Variants in ATP6V0E1 observed in about 807,000 individuals in gnomAD.
ATP6V0E1 encodes the protein V-type proton ATPase subunit e 1.
ATP6V0E1 carries 4 observed loss-of-function variants against 11.6 expected under a neutral mutation model. That is an observed-to-expected ratio of 0.35 (90% CI 0.17 to 0.79). ATP6V0E1 has a LOEUF of 0.79. ATP6V0E1 is among the 30% of genes least tolerant of loss of function. The probability of loss-of-function intolerance (pLI) is 0.54; values close to 1 mark genes in which losing one functional copy is unlikely to be tolerated. For missense variants in ATP6V0E1, 105 were observed against 100.0 expected (o/e 1.05, Z -0.21); for synonymous variants, 36 against 34.8 (o/e 1.04, Z -0.13).
At chr5:173,003,026 T>C (rs1433423249) in intron 2 of ATP6V0E1, among the ~76,000 whole-genome samples, 2 of 152,138 alleles carry the variant, frequency 1.3e-5, no homozygotes, top group Non-Finnish European at 2.9e-5. Flanking sequence ...GTCCCTTTTT[T>C]CTTTCTTTTT....
chr5:173,002,812 AC>A (rs1263025782), intron 2 of ATP6V0E1, among the ~76,000 whole-genome samples: 1 of 150,266 alleles, frequency 6.7e-6, no homozygotes, highest in Non-Finnish European at 1.5e-5. Flanking sequence ...ACATGGTGAA[AC>A]CCTGTGTCTG....
At chr5:172,989,652 G>A (rs475785) in intron 1 of ATP6V0E1, among the ~76,000 whole-genome samples, 3 of 151,536 alleles carry the variant, frequency 2.0e-5, no homozygotes, top group African/African-American at 7.3e-5. Context: ...TCAGCCTTCC[G>A]AGTAGCTGGG....
intron 2 of ATP6V0E1, among the ~76,000 whole-genome samples, chr5:173,012,699 A>G (rs1057124056): frequency 5.9e-5 from 9 of 151,610 alleles, no homozygotes; most frequent in Admixed American, 1.3e-4. Flanking sequence ...GGTTGCCATG[A>G]GCTGAGATCG....
At chr5:173,006,644 C>T (rs1756234561) in intron 2 of ATP6V0E1, among the ~76,000 whole-genome samples, 1 of 152,026 alleles carries the variant, frequency 6.6e-6, no homozygotes, top group African/African-American at 2.4e-5. Context: ...AAACACTCTA[C>T]TCTGGATGGG....
intron 2 of ATP6V0E1, among the ~76,000 whole-genome samples, chr5:173,019,298 G>A (rs1756446040): frequency 2.0e-5 from 3 of 152,034 alleles, no homozygotes; most frequent in Admixed American, 2.0e-4. Flanking sequence ...GCTCACGTCT[G>A]TAATCCCAGC....
intron 2 of ATP6V0E1, among the ~76,000 whole-genome samples, chr5:172,998,190 C>CTTTT (rs999790390): frequency 4.1e-4 from 43 of 104,852 alleles, no homozygotes; most frequent in African/African-American, 5.7e-4. Flanking sequence ...AAAATTTAGT[C>CTTTT]TTTTTTTTTT....
chr5:173,012,038 A>ATT (rs34022628), intron 2 of ATP6V0E1, among the ~76,000 whole-genome samples: 19,304 of 138,684 alleles, frequency 0.14, 1,787 homozygotes, highest in African/African-American at 0.26. Context: ...TCCTAGGTAA[A>ATT]TTTTTTTTTT....
chr5:173,028,848 A>G (rs1485748748), intron 3 of ATP6V0E1, among the ~76,000 whole-genome samples: 2 of 152,164 alleles, frequency 1.3e-5, no homozygotes, highest in African/African-American at 4.8e-5. Context: ...TCTAATGTCA[A>G]GGTTGCTGTT....
chr5:173,013,531 C>A (rs537950499), intron 2 of ATP6V0E1, among the ~76,000 whole-genome samples: 1 of 145,918 alleles, frequency 6.9e-6, no homozygotes, highest in South Asian at 2.2e-4. Flanking sequence ...GCTGAGATTG[C>A]GCCACTGCAC....
chr5:172,995,240 G>T (rs1377579251), intron 2 of ATP6V0E1, among the ~76,000 whole-genome samples: 1 of 152,156 alleles, frequency 6.6e-6, no homozygotes, highest in African/African-American at 2.4e-5. Flanking sequence ...AATGGCTGGG[G>T]TTACAGGCAC....
At chr5:173,021,865 C>G (rs1271408401) in intron 3 of ATP6V0E1, among the ~76,000 whole-genome samples, 1 of 151,978 alleles carries the variant, frequency 6.6e-6, no homozygotes, top group Non-Finnish European at 1.5e-5. Context: ...TGAAACCCAT[C>G]TCTACTAAAA....
intron 3 of ATP6V0E1, among the ~76,000 whole-genome samples, chr5:173,032,342 C>T (rs1756678094): frequency 6.7e-6 from 1 of 149,944 alleles, no homozygotes; most frequent in African/African-American, 2.5e-5. Flanking sequence ...GGCTGGAGTC[C>T]AATGGTGTGA....
At chr5:173,029,337 T>A (rs1756612572) in intron 3 of ATP6V0E1, among the ~76,000 whole-genome samples, 1 of 152,210 alleles carries the variant, frequency 6.6e-6, no homozygotes, top group African/African-American at 2.4e-5. Context: ...TGTCTCCATT[T>A]CAGTTCCCAA....
rs555768844 is a variant in ATP6V0E1 at position 173,034,834 on chromosome 5, G to C, written c.*472G>C. 4.0e-5 allele frequency: 7 copies of C among 172,948 alleles called. No homozygotes were observed. Among genetic ancestry groups the C allele is most frequent in the Middle Eastern group, 2.6e-3 (1 of 386 alleles). The allele number at this position is 172,948 out of a possible 1,614,324, so 10.7% of individuals were successfully genotyped here. ...GAATCGCACCAAACTATACTTTCAGGATGAATTTCTTCTTTCTGCCATCTT... is the reference window on the plus strand; with the variant it reads ...GAATCGCACCAAACTATACTTTCAGCATGAATTTCTTCTTTCTGCCATCTT... On this transcript the variant is annotated 3_prime_UTR_variant, in exon 4 of 4. Transcript: ENST00000519374.
intron 2 of ATP6V0E1, among the ~76,000 whole-genome samples, chr5:173,004,109 C>T (rs764882587): frequency 2.6e-5 from 4 of 152,080 alleles, no homozygotes; most frequent in Non-Finnish European, 5.9e-5. Context: ...TGAGGAATGC[C>T]AACATTTTGA....
chr5:173,012,317 GT>G (rs147169352), intron 2 of ATP6V0E1, among the ~76,000 whole-genome samples: 3 of 147,152 alleles, frequency 2.0e-5, no homozygotes, highest in African/African-American at 5.0e-5. Context: ...GTGGTTTCTT[GT>G]TTTTTTTTTC....
chr5:173,023,497 A>AT (rs938596205), intron 3 of ATP6V0E1, among the ~76,000 whole-genome samples: 1 of 152,142 alleles, frequency 6.6e-6, no homozygotes, highest in African/African-American at 2.4e-5. Flanking sequence ...TTCCCGTCTG[A>AT]TTTTTCAATT....
At chr5:173,017,854 A>G (rs966123569) in intron 2 of ATP6V0E1, among the ~76,000 whole-genome samples, 10 of 148,876 alleles carry the variant, frequency 6.7e-5, no homozygotes, top group African/African-American at 7.7e-5. Context: ...AAAAAAAAAA[A>G]AAAAAAGAAA....
intron 3 of ATP6V0E1, among the ~76,000 whole-genome samples, chr5:173,022,704 G>T (rs1756503781): frequency 6.6e-6 from 1 of 151,910 alleles, no homozygotes. Flanking sequence ...CACCATCATG[G>T]CTTACTGCAG....
Sources: allele counts gnomAD v4.1 joint callset (sites outside exome capture counted in the v4.1 genomes callset), GRCh38; gene constraint gnomAD v4.1.1; transcripts MANE v1.5; gene names NCBI Gene and HGNC (gene_info 2026-07-23, HGNC 2026-07-21).